ATRNL1: variants seen among roughly 807,000 people sequenced by gnomAD.
ATRNL1 encodes the protein attractin-like protein 1.
Under a neutral mutation model 182.7 loss-of-function variants are expected in ATRNL1, and 95 were observed. The observed-to-expected ratio is 0.52, with a 90% CI of 0.44 to 0.62. ATRNL1 has a LOEUF of 0.62. ATRNL1 is among the 20% of genes least tolerant of loss of function. ATRNL1 has a pLI of 0.00. For synonymous variants in ATRNL1, 576 were observed against 568.3 expected (o/e 1.01, Z -0.19); for missense variants, 1,471 against 1,679.5 (o/e 0.88, Z 2.17).
intron 9 of ATRNL1, among the ~76,000 whole-genome samples, chr10:115,229,712 A>G (rs1554899523): frequency 6.6e-6 from 1 of 152,146 alleles, no homozygotes; most frequent in African/African-American, 2.4e-5. Context: ...GAGATTTGGA[A>G]TTTTGGAATG....
At chr10:115,657,781 G>C (rs1427785973) in intron 26 of ATRNL1, among the ~76,000 whole-genome samples, 2 of 151,918 alleles carry the variant, frequency 1.3e-5, no homozygotes, top group African/African-American at 4.8e-5. Flanking sequence ...AAGAATCTTT[G>C]CTTTAAACAC....
intron 28 of ATRNL1, among the ~76,000 whole-genome samples, chr10:115,913,923 G>C (rs1202807797): frequency 6.6e-6 from 1 of 152,122 alleles, no homozygotes; most frequent in Non-Finnish European, 1.5e-5. Context: ...TGGGAGGGGT[G>C]GGTGATATGA....
intron 25 of ATRNL1, among the ~76,000 whole-genome samples, chr10:115,525,166 T>C (rs1554986229): frequency 6.6e-6 from 1 of 152,156 alleles, no homozygotes; most frequent in African/African-American, 2.4e-5. Context: ...ACCCTCAGTC[T>C]CCTGTTCCTT....
At chr10:115,690,774 G>A (rs1265538973) in intron 26 of ATRNL1, among the ~76,000 whole-genome samples, 1 of 152,192 alleles carries the variant, frequency 6.6e-6, no homozygotes, top group Non-Finnish European at 1.5e-5. Context: ...TCTTGGCAGG[G>A]ACAGGAATGA....
At chr10:115,321,489 C>T (rs1406120519) in intron 18 of ATRNL1, among the ~76,000 whole-genome samples, 1 of 151,970 alleles carries the variant, frequency 6.6e-6, no homozygotes, top group Non-Finnish European at 1.5e-5. Context: ...AGTCCTTTCT[C>T]TTTCTTATTT....
At chr10:115,585,450 A>T (rs1555009602) in intron 26 of ATRNL1, among the ~76,000 whole-genome samples, 1 of 127,282 alleles carries the variant, frequency 7.9e-6, no homozygotes, top group African/African-American at 3.1e-5. Context: ...GGGTGCATAT[A>T]TATTTAGGAT....
chr10:115,361,020 T>G (rs1209334340), intron 19 of ATRNL1, among the ~76,000 whole-genome samples: 9 of 151,932 alleles, frequency 5.9e-5, no homozygotes, highest in African/African-American at 2.2e-4. Flanking sequence ...CAATGAACCT[T>G]TGGTTACAGT....
chr10:115,401,864 A>G (rs1426239040), intron 20 of ATRNL1, among the ~76,000 whole-genome samples: 2 of 152,182 alleles, frequency 1.3e-5, no homozygotes, highest in Non-Finnish European at 2.9e-5. Flanking sequence ...TACATTTTAT[A>G]TTATAGCACT....
intron 8 of ATRNL1, among the ~76,000 whole-genome samples, chr10:115,214,113 T>C (rs576010231): frequency 6.6e-6 from 1 of 151,932 alleles, no homozygotes; most frequent in Non-Finnish European, 1.5e-5. Flanking sequence ...ATGTGTTTTA[T>C]GTATACGAAA....
In ATRNL1 at chr10:115,286,292, C is replaced by A; in HGVS notation, c.2310C>A (p.Asp770Glu). 1 of 1,596,716 alleles carries A rather than the reference C, an allele frequency of 6.3e-7. No individual in the cohort carries two copies. The highest frequency in any genetic ancestry group is 8.6e-7 in the Non-Finnish European group (1 of 1,165,106). The change falls in exon 15 of 29, where the codon GAC (aspartate) becomes GAA (glutamate). Residue 770 changes from aspartate to glutamate, a missense_variant. Transcript: ENST00000355044. Reference protein sequence around the residue: ...LRVNSSRENYDNAKLYCYNLS... With the variant: ...LRVNSSRENYENAKLYCYNLS... ...TCAATTCCAGTAGAGAAAACTATGA[C>A]AATGCAAAACTTTATTGCTATAATC...
At chr10:115,636,702 C>G (rs115316530) in intron 26 of ATRNL1, among the ~76,000 whole-genome samples, 283 of 136,620 alleles carry the variant, frequency 2.1e-3, no homozygotes, top group African/African-American at 6.8e-3. Context: ...AGAAATTTAA[C>G]TAGATACTTA....
intron 24 of ATRNL1, among the ~76,000 whole-genome samples, chr10:115,518,751 G>T (rs1408626058): frequency 2.0e-5 from 3 of 151,894 alleles, no homozygotes; most frequent in African/African-American, 7.2e-5. Context: ...AATGTTAACA[G>T]AAATGGAGAA....
intron 25 of ATRNL1, among the ~76,000 whole-genome samples, chr10:115,528,970 G>A (rs1460008551): frequency 6.6e-6 from 1 of 152,040 alleles, no homozygotes; most frequent in African/African-American, 2.4e-5. Flanking sequence ...CACTGTGGGT[G>A]GTGAAGATAC....
Position 115,759,000 on chromosome 10 carries a change from A to G in ATRNL1, c.3903+31645A>G, listed in dbSNP as rs1366462500. On this transcript the variant is annotated intron_variant, in intron 27 of 28. Coordinates refer to ENST00000355044, the MANE Select transcript of ATRNL1 (RefSeq NM_207303.4). Reference sequence around the variant, plus strand: ...ATAGTGTCAATAACAAAATATTTGTATTACAATTTTAAAATACTTCATTCA... The same window carrying G: ...ATAGTGTCAATAACAAAATATTTGTGTTACAATTTTAAAATACTTCATTCA... Among the ~76,000 whole-genome samples the G allele has an allele frequency of 5.9e-5, 9 of 152,344 alleles. No individual in the cohort carries two copies. In the South Asian group the frequency reaches 8.3e-4, roughly 14 times the overall value.
chr10:115,674,469 T>C (rs1565273275), intron 26 of ATRNL1, among the ~76,000 whole-genome samples: 1 of 152,094 alleles, frequency 6.6e-6, no homozygotes, highest in African/African-American at 2.4e-5. Flanking sequence ...ACTTTCTTCA[T>C]TTTTAAAAAA....
intron 27 of ATRNL1, among the ~76,000 whole-genome samples, chr10:115,738,125 GATTTTTTTTTT>G (rs1355107822): frequency 3.8e-5 from 2 of 53,150 alleles, no homozygotes; most frequent in Non-Finnish European, 7.6e-5. Context: ...AGAAGATAAT[GATTTTTTTTTT>G]TTTTTTTTTT....
chr10:115,707,980 A>G (rs1481790302), intron 26 of ATRNL1, among the ~76,000 whole-genome samples: 7 of 151,620 alleles, frequency 4.6e-5, no homozygotes, highest in Non-Finnish European at 8.9e-5. Context: ...TCATTAATTT[A>G]ATTTTTGCCA....
At chr10:115,373,290 G>A (rs1335279612) in intron 19 of ATRNL1, among the ~76,000 whole-genome samples, 1 of 151,954 alleles carries the variant, frequency 6.6e-6, no homozygotes, top group East Asian at 1.9e-4. Flanking sequence ...TTTTCTGTAA[G>A]AACTTGTCAT....
chr10:115,387,181 A>G (rs1462833513), intron 19 of ATRNL1, among the ~76,000 whole-genome samples: 2 of 152,126 alleles, frequency 1.3e-5, no homozygotes, highest in African/African-American at 4.8e-5. Context: ...TCGCAAGGAC[A>G]AAAGGTTAGT....
Sources: allele counts gnomAD v4.1 joint callset (sites outside exome capture counted in the v4.1 genomes callset), GRCh38; gene constraint gnomAD v4.1.1; transcripts MANE v1.5; gene names NCBI Gene and HGNC (gene_info 2026-07-23, HGNC 2026-07-21).